Variants in LUZP2 observed in about 807,000 individuals in gnomAD.
LUZP2 encodes leucine zipper protein 2.
Under a neutral mutation model 51.6 loss-of-function variants are expected in LUZP2, and 52 were observed. The observed-to-expected ratio is 1.01, with a 90% CI of 0.81 to 1.27. LUZP2 has a LOEUF of 1.27. LUZP2 is among the 50% of genes most tolerant of loss of function. The pLI is 0.00. For missense variants in LUZP2, 436 were observed against 395.4 expected (o/e 1.10, Z -0.87); for synonymous variants, 154 against 137.3 (o/e 1.12, Z -0.85).
intron 1 of LUZP2, among the ~76,000 whole-genome samples, chr11:24,631,090 T>A (rs893501251): frequency 6.6e-6 from 1 of 152,020 alleles, no homozygotes; most frequent in Non-Finnish European, 1.5e-5. Flanking sequence ...TAAAAAGTTT[T>A]CTGGTGCCAT....
chr11:24,799,425 G>T (rs1034337764), intron 5 of LUZP2, among the ~76,000 whole-genome samples: 20 of 151,832 alleles, frequency 1.3e-4, no homozygotes, highest in African/African-American at 4.6e-4. Context: ...GTGAAACCCC[G>T]TCCCTACTAA....
intron 1 of LUZP2, among the ~76,000 whole-genome samples, chr11:24,590,037 A>G (rs1422277713): frequency 6.6e-6 from 1 of 152,038 alleles, no homozygotes; most frequent in African/African-American, 2.4e-5. Flanking sequence ...AAATTGTTCT[A>G]TTTTCTCTTT....
rs144017645 is a variant in LUZP2, at chr11:25,039,911, T to G, written c.766-10127T>G. Among the ~76,000 whole-genome samples, 1,510 of 152,278 alleles carry G rather than the reference T, an allele frequency of 9.9e-3. 19 individuals carry two copies. The highest frequency in any genetic ancestry group is 0.034 in the Middle Eastern group (10 of 294). On this transcript the variant is annotated intron_variant, in intron 9 of 11. Transcript: ENST00000336930. Reference sequence around the variant, plus strand: ...GGTCATCTTTTTTGAAAAATTGTTTTTAGATATCACTACAGACACTTTCTC... The same window carrying G: ...GGTCATCTTTTTTGAAAAATTGTTTGTAGATATCACTACAGACACTTTCTC...
At chr11:24,700,118 G>T (rs766026636) in intron 1 of LUZP2, among the ~76,000 whole-genome samples, 1 of 135,866 alleles carries the variant, frequency 7.4e-6, no homozygotes, top group Non-Finnish European at 1.5e-5. Flanking sequence ...CTGGAGTGCA[G>T]TGGTGCAATC....
chr11:24,616,266 CG>C (rs1299399495), intron 1 of LUZP2, among the ~76,000 whole-genome samples: 3 of 151,888 alleles, frequency 2.0e-5, no homozygotes, highest in African/African-American at 7.3e-5. Flanking sequence ...CAATTCTCTG[CG>C]TAGCCATAGA....
intron 7 of LUZP2, among the ~76,000 whole-genome samples, chr11:24,964,388 A>T (rs187262968): frequency 6.6e-6 from 1 of 152,182 alleles, no homozygotes; most frequent in Non-Finnish European, 1.5e-5. Flanking sequence ...GATAACCATA[A>T]ATATAGTAAT....
intron 5 of LUZP2, among the ~76,000 whole-genome samples, chr11:24,779,658 G>C (rs1590511191): frequency 6.6e-6 from 1 of 152,126 alleles, no homozygotes; most frequent in East Asian, 1.9e-4. Context: ...GTAGCCCAGA[G>C]AGATCATGTC....
At chr11:25,065,118 G>T (rs1446162) in intron 10 of LUZP2, among the ~76,000 whole-genome samples, 4 of 151,894 alleles carry the variant, frequency 2.6e-5, no homozygotes, top group African/African-American at 9.6e-5. Context: ...ACCAAAATAT[G>T]CATCTTAAAC....
chr11:24,641,213 C>A (rs192590576), intron 1 of LUZP2, among the ~76,000 whole-genome samples: 4 of 151,506 alleles, frequency 2.6e-5, no homozygotes, highest in African/African-American at 9.8e-5. Flanking sequence ...TCTTACCCTG[C>A]CAACGTTTTC....
At chr11:24,523,309 A>C (rs890159765) in intron 1 of LUZP2, among the ~76,000 whole-genome samples, 4 of 151,942 alleles carry the variant, frequency 2.6e-5, no homozygotes, top group Admixed American at 2.6e-4. Context: ...TAATGTTAAA[A>C]GAAAAATATT....
intron 1 of LUZP2, among the ~76,000 whole-genome samples, chr11:24,670,593 A>C (rs1856373754): frequency 6.6e-6 from 1 of 152,018 alleles, no homozygotes; most frequent in African/African-American, 2.4e-5. Context: ...ACACACAGAC[A>C]CACACATATT....
intron 10 of LUZP2, among the ~76,000 whole-genome samples, chr11:25,055,755 T>C (rs570524438): frequency 6.6e-6 from 1 of 152,280 alleles, no homozygotes; most frequent in East Asian, 1.9e-4. Flanking sequence ...GATAGAAGGC[T>C]GAAGAAAAAA....
chr11:24,980,148 TC>T (rs1339916475), intron 8 of LUZP2, among the ~76,000 whole-genome samples: 1 of 151,746 alleles, frequency 6.6e-6, no homozygotes, highest in African/African-American at 2.4e-5. Flanking sequence ...AGCTGGCAGT[TC>T]AGGACTTGGT....
chr11:24,719,127 T>C (rs1051085054), intron 1 of LUZP2, among the ~76,000 whole-genome samples: 15 of 152,172 alleles, frequency 9.9e-5, no homozygotes, highest in African/African-American at 3.6e-4. Flanking sequence ...GAACTGTAAG[T>C]TGATCCAGTT....
intron 1 of LUZP2, among the ~76,000 whole-genome samples, chr11:24,594,767 T>C (rs1853377106): frequency 7.1e-6 from 1 of 140,112 alleles, no homozygotes; most frequent in African/African-American, 2.7e-5. Context: ...TTTTTTTTTT[T>C]TTTTTTTTTT....
At chr11:24,868,835 C>T (rs1851970547) in intron 5 of LUZP2, among the ~76,000 whole-genome samples, 1 of 152,136 alleles carries the variant, frequency 6.6e-6, no homozygotes, top group Non-Finnish European at 1.5e-5. Flanking sequence ...AGCACATTTA[C>T]ATAATCCATA....
chr11:24,540,870 C>CA (rs201141996), intron 1 of LUZP2, among the ~76,000 whole-genome samples: 2,296 of 150,720 alleles, frequency 0.015, 70 homozygotes, highest in African/African-American at 0.052. Flanking sequence ...TAACACAAAA[C>CA]AAAAAAAAAT....
intron 1 of LUZP2, among the ~76,000 whole-genome samples, chr11:24,520,646 A>G (rs571687491): frequency 2.6e-5 from 4 of 152,366 alleles, no homozygotes; most frequent in African/African-American, 7.2e-5. Context: ...GAGAAGTACA[A>G]TGAAGCATAG....
At chr11:24,879,026 G>A (rs542816307) in intron 5 of LUZP2, among the ~76,000 whole-genome samples, 1 of 151,782 alleles carries the variant, frequency 6.6e-6, no homozygotes, top group East Asian at 1.9e-4. Context: ...GAGTACAGTG[G>A]CTCAATCTCA....
Sources: gnomAD v4.1 joint callset for allele counts (sites outside exome capture counted in the v4.1 genomes callset) on GRCh38, gnomAD v4.1.1 for gene constraint, MANE v1.5 for transcripts, NCBI Gene and HGNC (gene_info 2026-07-23, HGNC 2026-07-21) for gene names.